Variants in SVEP1 observed in about 807,000 individuals in gnomAD.
The protein encoded by SVEP1 is sushi, von Willebrand factor type A, EGF and pentraxin domain containing 1.
Under a neutral mutation model 367.3 loss-of-function variants are expected in SVEP1, and 164 were observed. The observed-to-expected ratio is 0.45, with a 90% CI of 0.39 to 0.51. The LOEUF (loss-of-function observed/expected upper bound fraction) is 0.51, where lower values mean the gene tolerates loss of function less well. Ranked by LOEUF, SVEP1 falls within the 20% of genes least tolerant of loss-of-function variation. The pLI, the probability that SVEP1 is intolerant of heterozygous loss-of-function variation, is 0.00. For synonymous variants in SVEP1, 1,666 were observed against 1,611.6 expected (o/e 1.03, Z -0.81); for missense variants, 4,117 against 4,425.3 (o/e 0.93, Z 1.98).
intron 1 of SVEP1, among the ~76,000 whole-genome samples, chr9:110,553,493 A>G (rs1200355289): frequency 6.6e-6 from 1 of 152,204 alleles, no homozygotes; most frequent in Non-Finnish European, 1.5e-5. Context: ...TGGAAAGTAA[A>G]TAGAGAAAAC....
At chr9:110,440,278 A>T (rs183686912) in intron 27 of SVEP1, among the ~76,000 whole-genome samples, 1 of 152,094 alleles carries the variant, frequency 6.6e-6, no homozygotes, top group Non-Finnish European at 1.5e-5. Flanking sequence ...ACACTATGCT[A>T]CTACTTTGGG....
At chr9:110,454,041 C>A (rs766403194) in intron 22 of SVEP1, among the ~76,000 whole-genome samples, 4 of 152,002 alleles carry the variant, frequency 2.6e-5, no homozygotes, top group Non-Finnish European at 5.9e-5. Flanking sequence ...CCTTTGCCCA[C>A]TATTTAATGA....
At chr9:110,518,457 GAGAGT>G (rs1829837242) in intron 3 of SVEP1, among the ~76,000 whole-genome samples, 1 of 151,538 alleles carries the variant, frequency 6.6e-6, no homozygotes, top group East Asian at 1.9e-4. Flanking sequence ...ATATATAAAA[GAGAGT>G]ATTGTCTCAA....
intron 5 of SVEP1, among the ~76,000 whole-genome samples, chr9:110,510,847 C>G (rs750709755): frequency 7.2e-5 from 11 of 152,212 alleles, no homozygotes; most frequent in Non-Finnish European, 1.3e-4. Flanking sequence ...ATATATTTTA[C>G]AAGCTTTCAA....
intron 18 of SVEP1, among the ~76,000 whole-genome samples, chr9:110,460,479 A>G (rs1828841150): frequency 1.3e-5 from 2 of 152,168 alleles, no homozygotes; most frequent in Admixed American, 6.5e-5. Flanking sequence ...GTGGTGGGGT[A>G]TGGTGGCTCA....
rs1484560022 is a variant in SVEP1 at position 110,411,533 on chromosome 9, G to A, written c.6178C>T (p.Leu2060Phe). Residue 2060 changes from leucine (L) to phenylalanine (F), a missense_variant, in exon 37 of 48, where the codon CTC becomes TTC. Leu to Phe is a conservative substitution (Grantham distance 22). This residue lies in a region of SVEP1 where 2,174 missense variants were observed against 2,494.3 expected (regional missense o/e 0.87). Coordinates refer to ENST00000374469, the MANE Select transcript of SVEP1 (RefSeq NM_153366.4). Reference sequence around the variant, plus strand: ...ACCCACTTGCCCTGGGCATTGCAGAGAAGCTGGGAATTGTCTGCTAGGCTG... The same window carrying A: ...ACCCACTTGCCCTGGGCATTGCAGAAAAGCTGGGAATTGTCTGCTAGGCTG... The part of the protein sequence containing the change: ...GYSLADNSQL[L>F]CNAQGKWVPP... 2 of 1,614,030 alleles carry A rather than the reference G, an allele frequency of 1.2e-6. No homozygotes were observed. Among genetic ancestry groups the A allele is most frequent in the Non-Finnish European group, 8.5e-7 (1 of 1,179,900 alleles).
At chr9:110,518,220 C>T (rs768555331) in intron 3 of SVEP1, among the ~76,000 whole-genome samples, 16 of 152,030 alleles carry the variant, frequency 1.1e-4, no homozygotes, top group South Asian at 2.1e-4. Flanking sequence ...GTCAGAAGTT[C>T]GAGACTAGCC....
Position 110,519,038 on chromosome 9 carries a change from T to C in SVEP1, c.965-4932A>G, listed in dbSNP as rs73532801. Among the ~76,000 whole-genome samples, 1,192 of 152,366 alleles carry C rather than the reference T, an allele frequency of 7.8e-3. 16 individuals are homozygous for C. Among genetic ancestry groups the C allele is most frequent in the African/African-American group, 0.027 (1,119 of 41,596 alleles). On this transcript the variant is annotated intron_variant, in intron 3 of 47. Coordinates refer to ENST00000374469, the MANE Select transcript of SVEP1 (RefSeq NM_153366.4). The stretch of plus-strand genomic sequence containing the variant: ...AAGCTGGTTAGAACCTGCTTCAAGA[T>C]CAACTAGTGCCTAGTTTTGTACTGT...
intron 8 of SVEP1, among the ~76,000 whole-genome samples, chr9:110,496,499 G>T (rs901263940): frequency 3.3e-5 from 5 of 152,192 alleles, no homozygotes; most frequent in Admixed American, 6.5e-5. Context: ...TGGTTTGCCA[G>T]GAGTTCTTGT....
rs527717583 is a variant in SVEP1, at chr9:110,562,320, G to A, written c.532-12216C>T. On this transcript the variant is annotated intron_variant, in intron 1 of 47. Coordinates refer to ENST00000374469, the MANE Select transcript of SVEP1 (RefSeq NM_153366.4). ...TTAAACAAATGCTAATTTATTACAG[G>A]ATAAAAAATCAAATTTAATTTTATT... Among the ~76,000 whole-genome samples, 5 of 151,940 alleles carry A rather than the reference G, an allele frequency of 3.3e-5. No individual in the cohort carries two copies. In the South Asian group the frequency reaches 1.0e-3, roughly 32 times the overall value.
intron 3 of SVEP1, among the ~76,000 whole-genome samples, chr9:110,521,546 A>G (rs185963277): frequency 4.7e-4 from 71 of 152,348 alleles, no homozygotes; most frequent in Admixed American, 3.6e-3. Context: ...AGTAATTTTT[A>G]TATGTTGGGG....
rs748042095 is a variant in SVEP1 at position 110,549,966 on chromosome 9, A to G, written c.670T>C (p.Trp224Arg). The G allele has an allele frequency of 8.1e-6, 13 of 1,614,024 alleles. No homozygotes were observed. The highest frequency in any genetic ancestry group is 2.7e-5 in the African/African-American group (2 of 75,052). The change falls in exon 2 of 48, where the codon TGG becomes CGG. Residue 224 changes from tryptophan (W) to arginine (R), a missense_variant. Transcript: ENST00000374469. ...SGVEIFTFGI[W>R]QGNIRELNDM... Reference sequence around the variant, plus strand: ...TTCAGCTCTCGAATGTTCCCTTGCCATATGCCAAAAGTGAAGATCTCCACT... The same window carrying G: ...TTCAGCTCTCGAATGTTCCCTTGCCGTATGCCAAAAGTGAAGATCTCCACT...
At chr9:110,449,980 A>G (rs1828666792) in intron 24 of SVEP1, 79 bp downstream of exon 24, 1 of 1,493,938 alleles carries the variant, frequency 6.7e-7, no homozygotes, top group South Asian at 1.2e-5. Flanking sequence ...GACTCAAAGC[A>G]ATACTCCATA....
At chr9:110,551,959 T>C (rs1313215760) in intron 1 of SVEP1, among the ~76,000 whole-genome samples, 2 of 149,334 alleles carry the variant, frequency 1.3e-5, no homozygotes, top group Non-Finnish European at 3.0e-5. Flanking sequence ...TCTGGGATGG[T>C]GGTACATCCC....
At chr9:110,518,131 A>G (rs1039721990) in intron 3 of SVEP1, among the ~76,000 whole-genome samples, 7 of 152,154 alleles carry the variant, frequency 4.6e-5, no homozygotes, top group African/African-American at 1.7e-4. Context: ...ACCAAAAGTA[A>G]ATGAAGTTAG....
At position 110,458,663 on chromosome 9, in the gene SVEP1, G is replaced by A. The variant is rs1251387226; in HGVS notation, c.3485-101C>T. ...GATTCTGGTTGTCAGAGTGGGTAAA[G>A]CCACATATATTTTGTTTCACTTATA... On this transcript the variant is annotated intron_variant, in intron 19 of 47. Coordinates refer to ENST00000374469, the MANE Select transcript of SVEP1 (RefSeq NM_153366.4). The A allele has an allele frequency of 6.9e-6, 8 of 1,164,706 alleles. No individual in the cohort carries two copies. The East Asian group carries it at 2.1e-4, about 30-fold the overall frequency. 72.1% of individuals were successfully genotyped at this position (1,164,706 alleles called of 1,614,324 possible).
Position 110,450,105 on chromosome 9 carries a change from GCTGA to G in SVEP1, c.4053_4056del (p.Gln1352HisfsTer30). 1 of 1,613,848 alleles carries G rather than the reference GCTGA, an allele frequency of 6.2e-7. No homozygotes were observed. The highest frequency in any genetic ancestry group is 8.5e-7 in the Non-Finnish European group (1 of 1,179,816). The stretch of plus-strand genomic sequence containing the variant: ...TTACAGGTAGCTCCATTTTTGCATG[GCTGA>G]CTGAGACACTCATCGACGTTCTTTC... On this transcript the variant is annotated frameshift_variant, in exon 24 of 48. Coordinates refer to ENST00000374469, the MANE Select transcript of SVEP1 (RefSeq NM_153366.4). LOFTEE classifies it high-confidence loss of function.
chr9:110,499,943 T>G (rs532191045), intron 6 of SVEP1, among the ~76,000 whole-genome samples: 1 of 152,334 alleles, frequency 6.6e-6, no homozygotes, highest in South Asian at 2.1e-4. Flanking sequence ...GCTGAATAAA[T>G]AGCTAACATT....
chr9:110,403,937 CAGAGA>C (rs1175688905), intron 39 of SVEP1, among the ~76,000 whole-genome samples: 1 of 150,804 alleles, frequency 6.6e-6, no homozygotes, highest in Non-Finnish European at 1.5e-5. Context: ...CAGCAAATAG[CAGAGA>C]AGAGGATTTG....
Sources: allele counts gnomAD v4.1 joint callset (sites outside exome capture counted in the v4.1 genomes callset), GRCh38; gene constraint gnomAD v4.1.1; regional missense constraint gnomAD v4.1.1; transcripts MANE v1.5; gene names NCBI Gene and HGNC (gene_info 2026-07-23, HGNC 2026-07-21).